Variants in RBMS3 observed in about 807,000 individuals in gnomAD.
The protein encoded by RBMS3 is RNA binding motif single stranded interacting protein 3.
RBMS3 carries 27 observed loss-of-function variants against 66.8 expected under a neutral mutation model. The observed-to-expected ratio is 0.40, with a 90% CI of 0.30 to 0.56. The LOEUF (loss-of-function observed/expected upper bound fraction) is 0.56, where lower values mean the gene tolerates loss of function less well. RBMS3 is among the 20% of genes least tolerant of loss of function. The probability of loss-of-function intolerance (pLI) is 0.40; values close to 1 mark genes in which losing one functional copy is unlikely to be tolerated. For missense variants in RBMS3, 513 were observed against 549.5 expected, an observed-to-expected ratio of 0.93 and a Z score of 0.66; for synonymous variants, 188 against 183.0, an observed-to-expected ratio of 1.03 and a Z score of -0.22.
chr3:29,902,078 T>G (rs1577102818), intron 10 of RBMS3, among the ~76,000 whole-genome samples: 1 of 151,828 alleles, frequency 6.6e-6, no homozygotes, highest in African/African-American at 2.4e-5. Flanking sequence ...AATGAGGAAC[T>G]TGATGATTAA....
intron 3 of RBMS3, among the ~76,000 whole-genome samples, chr3:29,526,864 G>A (rs1207841085): frequency 7.2e-6 from 1 of 138,032 alleles, no homozygotes; most frequent in Non-Finnish European, 1.5e-5. Flanking sequence ...TTCATTGCCT[G>A]TTGCTTACTC....
intron 6 of RBMS3, among the ~76,000 whole-genome samples, chr3:29,774,631 G>A (rs979886997): frequency 1.3e-5 from 2 of 151,928 alleles, no homozygotes; most frequent in Non-Finnish European, 2.9e-5. Flanking sequence ...GGTCTACAAG[G>A]TCAAAAATAT....
intron 3 of RBMS3, among the ~76,000 whole-genome samples, chr3:29,519,643 A>C (rs948301240): frequency 9.9e-5 from 15 of 152,054 alleles, no homozygotes; most frequent in African/African-American, 3.6e-4. Context: ...CTGAATGAAA[A>C]ATCTCCTGCT....
intron 1 of RBMS3, among the ~76,000 whole-genome samples, chr3:29,416,354 T>C (rs1406106795): frequency 8.2e-6 from 1 of 121,394 alleles, no homozygotes; most frequent in Admixed American, 7.7e-5. Flanking sequence ...ATAATCATTT[T>C]GTATTCTTCT....
chr3:29,738,265 A>G (rs896170456), intron 4 of RBMS3, among the ~76,000 whole-genome samples: 1 of 152,188 alleles, frequency 6.6e-6, no homozygotes, highest in African/African-American at 2.4e-5. Flanking sequence ...TTTTACTGTT[A>G]CATAATACCA....
chr3:29,533,823 C>T (rs2045454434), intron 3 of RBMS3, among the ~76,000 whole-genome samples: 1 of 152,174 alleles, frequency 6.6e-6, no homozygotes, highest in South Asian at 2.1e-4. Context: ...ATACTTCACT[C>T]ATTTCTTACT....
At chr3:29,970,799 A>G (rs1282071576) in intron 12 of RBMS3, among the ~76,000 whole-genome samples, 1 of 152,222 alleles carries the variant, frequency 6.6e-6, no homozygotes, top group Admixed American at 6.5e-5. Flanking sequence ...AATCCCACTC[A>G]GAGTCACATT....
At chr3:29,510,694 C>A (rs1394720091) in intron 3 of RBMS3, among the ~76,000 whole-genome samples, 1 of 152,070 alleles carries the variant, frequency 6.6e-6, no homozygotes, top group Admixed American at 6.5e-5. Flanking sequence ...ATAAGCAACT[C>A]AAAACATTTC....
intron 6 of RBMS3, among the ~76,000 whole-genome samples, chr3:29,830,673 GT>G (rs1384830520): frequency 6.6e-6 from 1 of 152,016 alleles, no homozygotes; most frequent in African/African-American, 2.4e-5. Context: ...TTTTATTTCT[GT>G]AAATTTAACT....
intron 2 of RBMS3, among the ~76,000 whole-genome samples, chr3:29,445,220 A>G (rs555380244): frequency 6.6e-6 from 1 of 152,186 alleles, no homozygotes; most frequent in South Asian, 2.1e-4. Flanking sequence ...AGATACAGGA[A>G]ACAGCATTTT....
intron 11 of RBMS3, 137 bp from the exon 12 acceptor site, chr3:29,944,070 T>C: frequency 1.5e-6 from 1 of 648,614 alleles, no homozygotes; most frequent in Non-Finnish European, 2.7e-6. Flanking sequence ...GGAATCCTAA[T>C]GCCTTTACTG....
At chr3:29,923,673 T>A (rs1005015415) in intron 10 of RBMS3, among the ~76,000 whole-genome samples, 7 of 152,080 alleles carry the variant, frequency 4.6e-5, no homozygotes, top group Non-Finnish European at 1.0e-4. Context: ...CTTTAATACA[T>A]CAGTATAATT....
At chr3:29,310,176 T>C (rs1444729025) in intron 1 of RBMS3, among the ~76,000 whole-genome samples, 1 of 151,708 alleles carries the variant, frequency 6.6e-6, no homozygotes, top group Admixed American at 6.6e-5. Flanking sequence ...CACTTCTTTC[T>C]TTAAGAGAGG....
At chr3:29,453,020 A>G (rs1373713750) in intron 2 of RBMS3, among the ~76,000 whole-genome samples, 2 of 152,194 alleles carry the variant, frequency 1.3e-5, no homozygotes, top group African/African-American at 4.8e-5. Context: ...TAATCTTGCT[A>G]TTAATATGTT....
chr3:29,448,359 G>A (rs187212765), intron 2 of RBMS3, among the ~76,000 whole-genome samples: 1 of 152,334 alleles, frequency 6.6e-6, no homozygotes, highest in East Asian at 1.9e-4. Flanking sequence ...GAAAGGAGGC[G>A]TATTTCCAGG....
At chr3:29,703,649 A>G (rs1030049126) in intron 4 of RBMS3, among the ~76,000 whole-genome samples, 4 of 152,200 alleles carry the variant, frequency 2.6e-5, no homozygotes, top group African/African-American at 7.2e-5. Context: ...GTTAATTGCT[A>G]TTGAAGTAGG....
At chr3:29,864,199 G>T (rs1164690421) in intron 6 of RBMS3, among the ~76,000 whole-genome samples, 1 of 152,150 alleles carries the variant, frequency 6.6e-6, no homozygotes, top group Non-Finnish European at 1.5e-5. Flanking sequence ...AACCCTGATG[G>T]ATTTAAACTG....
chr3:29,641,112 C>G (rs2049688697), intron 4 of RBMS3: 1 of 151,956 alleles, frequency 6.6e-6, no homozygotes, highest in Admixed American at 6.6e-5. Flanking sequence ...CAAGCGATAA[C>G]TGTCATTTTG....
intron 13 of RBMS3, among the ~76,000 whole-genome samples, chr3:29,989,604 T>A (rs561546906): frequency 6.6e-6 from 1 of 152,336 alleles, no homozygotes; most frequent in East Asian, 1.9e-4. Flanking sequence ...CTGGTTTTGG[T>A]GTGTGACAAA....
Sources: gnomAD v4.1 joint callset for allele counts (sites outside exome capture counted in the v4.1 genomes callset) on GRCh38, gnomAD v4.1.1 for gene constraint, MANE v1.5 for transcripts, NCBI Gene and HGNC (gene_info 2026-07-23, HGNC 2026-07-21) for gene names.